Variants in ELAVL4 observed in about 807,000 individuals in gnomAD.
The protein encoded by ELAVL4 is ELAV-like protein 4.
Under a neutral mutation model 35.6 loss-of-function variants are expected in ELAVL4, and 1 was observed. That is an observed-to-expected ratio of 0.03 (90% CI 0.01 to 0.13). The LOEUF is 0.13. Ranked by LOEUF, ELAVL4 falls within the 10% of genes least tolerant of loss-of-function variation. The probability of loss-of-function intolerance (pLI) is 1.00; values close to 1 mark genes in which losing one functional copy is unlikely to be tolerated. For synonymous variants in ELAVL4, 156 were observed against 171.0 expected, an observed-to-expected ratio of 0.91 and a Z score of 0.69; for missense variants, 267 against 464.9, an observed-to-expected ratio of 0.57 and a Z score of 3.91.
rs186878471 is a variant in ELAVL4 at position 50,146,633 on chromosome 1, C to T, written c.250+1436C>T. On this transcript the variant is annotated intron_variant, in intron 2 of 6. Coordinates refer to ENST00000371824, the MANE Select transcript of ELAVL4 (RefSeq NM_001144774.3). Reference sequence around the variant, plus strand: ...ATTATCTTGTACCAGAGCACTGGAACATCTATCCTTAAACAGAATTTCCCA... The same window carrying T: ...ATTATCTTGTACCAGAGCACTGGAATATCTATCCTTAAACAGAATTTCCCA... Among the ~76,000 whole-genome samples the T allele has an allele frequency of 4.0e-3, 610 of 152,230 alleles. 3 individuals carry two copies. The highest frequency in any genetic ancestry group is 6.7e-3 in the Non-Finnish European group (455 of 68,024).
chr1:50,121,383 G>A (rs1210456146), intron 1 of ELAVL4, among the ~76,000 whole-genome samples: 1 of 151,854 alleles, frequency 6.6e-6, no homozygotes, highest in Non-Finnish European at 1.5e-5. Context: ...ATAGTTTATT[G>A]GGTCTCGACC....
chr1:50,092,636 G>T (rs1406899688), intron 1 of ELAVL4, among the ~76,000 whole-genome samples: 1 of 152,152 alleles, frequency 6.6e-6, no homozygotes, highest in Non-Finnish European at 1.5e-5. Flanking sequence ...TTAGGCGTGG[G>T]CTCCCTAGTC....
intron 1 of ELAVL4, among the ~76,000 whole-genome samples, chr1:50,142,951 T>A (rs1673073918): frequency 6.6e-6 from 1 of 152,168 alleles, no homozygotes; most frequent in Non-Finnish European, 1.5e-5. Context: ...CATTGTTACA[T>A]GTAACAGAGC....
chr1:50,186,095 A>C (rs1042513763), intron 3 of ELAVL4, among the ~76,000 whole-genome samples: 2 of 152,114 alleles, frequency 1.3e-5, no homozygotes, highest in Admixed American at 6.6e-5. Flanking sequence ...AGACACATGA[A>C]TCTATCGTCA....
At chr1:50,159,621 A>C (rs535097252) in intron 2 of ELAVL4, among the ~76,000 whole-genome samples, 49 of 152,260 alleles carry the variant, frequency 3.2e-4, no homozygotes, top group Non-Finnish European at 5.4e-4. Context: ...AATAAAAAAA[A>C]AAAATGGGGG....
At chr1:50,151,339 G>A (rs1031135288) in intron 2 of ELAVL4, among the ~76,000 whole-genome samples, 1 of 152,152 alleles carries the variant, frequency 6.6e-6, no homozygotes, top group African/African-American at 2.4e-5. Flanking sequence ...ATAGCACACA[G>A]TGCATTAAAA....
At chr1:50,167,996 C>G (rs572113948) in intron 2 of ELAVL4, among the ~76,000 whole-genome samples, 1 of 152,206 alleles carries the variant, frequency 6.6e-6, no homozygotes, top group African/African-American at 2.4e-5. Context: ...TCCTTCTATG[C>G]AAAGTGCACA....
chr1:50,072,960 A>T (rs1557687120), intron 1 of ELAVL4, among the ~76,000 whole-genome samples: 1 of 152,188 alleles, frequency 6.6e-6, no homozygotes, highest in East Asian at 1.9e-4. Context: ...AGGAGAGACA[A>T]CCCTCTCATT....
intron 1 of ELAVL4, among the ~76,000 whole-genome samples, chr1:50,082,352 A>G (rs1665045318): frequency 1.3e-5 from 2 of 152,112 alleles, no homozygotes; most frequent in Admixed American, 6.5e-5. Flanking sequence ...TTATTTCCTG[A>G]CTTTTTAAAG....
At position 50,201,390 on chromosome 1, in the gene ELAVL4, G is replaced by GAAA; in HGVS notation, c.*222_*224dup. The GAAA allele has an allele frequency of 8.3e-6, 2 of 239,786 alleles. No individual in the cohort carries two copies. Among genetic ancestry groups the GAAA allele is most frequent in the Admixed American group, 5.8e-5 (1 of 17,096 alleles). 14.9% of individuals were successfully genotyped at this position (239,786 alleles called of 1,614,324 possible). The stretch of plus-strand genomic sequence containing the variant: ...GGATTTTATAATGCTTAGAAAAAAA[G>GAAA]AAAAAAAAAAAACAAAAAATACCTT... On this transcript the variant is annotated 3_prime_UTR_variant, in exon 7 of 7. Coordinates refer to ENST00000371824, the MANE Select transcript of ELAVL4 (RefSeq NM_001144774.3). The surrounding 1 kb of genome is among the most constrained non-coding windows in gnomAD (Gnocchi z 4.3).
At chr1:50,181,031 T>C (rs1680938911) in intron 3 of ELAVL4, 1 of 152,136 alleles carries the variant, frequency 6.6e-6, no homozygotes, top group South Asian at 2.1e-4. Flanking sequence ...GGAGGTACTA[T>C]TACCTCCTTT....
Position 50,194,469 on chromosome 1 carries a change from T to C in ELAVL4, c.508+551T>C, listed in dbSNP as rs527265096. Among the ~76,000 whole-genome samples the C allele has an allele frequency of 2.9e-4, 44 of 152,294 alleles. No individual in the cohort carries two copies. In the South Asian group the frequency reaches 8.5e-3, roughly 29 times the overall value. On this transcript the variant is annotated intron_variant, in intron 4 of 6. Coordinates refer to ENST00000371824, the MANE Select transcript of ELAVL4 (RefSeq NM_001144774.3). ...GCAGCCACCACCTCTCAGTAAGAAA[T>C]GTCAGGTACTCTGGGTTGCACTTTT...
At chr1:50,199,893 G>C (rs189228222) in intron 6 of ELAVL4, among the ~76,000 whole-genome samples, 1 of 152,052 alleles carries the variant, frequency 6.6e-6, no homozygotes, top group African/African-American at 2.4e-5. Context: ...AGAATTTAAA[G>C]GGTCATTTTT....
upstream of ELAVL4, among the ~76,000 whole-genome samples, chr1:50,106,817 A>G (rs1278877553): frequency 6.6e-6 from 1 of 152,214 alleles, no homozygotes; most frequent in Non-Finnish European, 1.5e-5. Flanking sequence ...TTAGCCTAGC[A>G]AAACCAGCTA....
chr1:50,148,851 T>C (rs1314770516), intron 2 of ELAVL4, among the ~76,000 whole-genome samples: 2 of 152,188 alleles, frequency 1.3e-5, no homozygotes, highest in Non-Finnish European at 2.9e-5. Flanking sequence ...TTTGTTTTGT[T>C]ACCATTTTGG....
intron 2 of ELAVL4, among the ~76,000 whole-genome samples, chr1:50,167,957 C>T (rs1019880153): frequency 1.1e-4 from 17 of 152,172 alleles, no homozygotes; most frequent in Non-Finnish European, 2.4e-4. Flanking sequence ...GCCCATGAAT[C>T]ACTATATAAT....
intron 1 of ELAVL4, among the ~76,000 whole-genome samples, chr1:50,061,612 A>T (rs1308710179): frequency 6.6e-6 from 1 of 152,172 alleles, no homozygotes; most frequent in Non-Finnish European, 1.5e-5. Context: ...TCTGCCTTTA[A>T]GAGGAAGCTT....
chr1:50,092,334 G>T (rs1245320942), intron 1 of ELAVL4, among the ~76,000 whole-genome samples: 1 of 152,170 alleles, frequency 6.6e-6, no homozygotes, highest in Admixed American at 6.5e-5. Context: ...AAGGGGTCGG[G>T]GGCATCCCAG....
chr1:50,180,797 G>A (rs1047105989), intron 3 of ELAVL4: 32 of 152,178 alleles, frequency 2.1e-4, no homozygotes, highest in Admixed American at 2.0e-3. Context: ...CTTCAAAAGG[G>A]CCTCTGAAGG....
Sources: gnomAD v4.1 joint callset for allele counts (sites outside exome capture counted in the v4.1 genomes callset) on GRCh38, gnomAD v4.1.1 for gene constraint, Gnocchi (gnomAD v3.1) non-coding constraint, MANE v1.5 for transcripts, NCBI Gene and HGNC (gene_info 2026-07-23, HGNC 2026-07-21) for gene names.